The following NLGN1 variants were observed in gnomAD, a reference collection of about 807,000 sequenced individuals.
NLGN1 encodes neuroligin 1, also known as neuroligin-1.
In NLGN1, 12 loss-of-function variants were observed where a neutral mutation model predicts 65.5. That is an observed-to-expected ratio of 0.18 (90% confidence interval 0.12 to 0.30). The LOEUF (loss-of-function observed/expected upper bound fraction) is 0.30, where lower values mean the gene tolerates loss of function less well. NLGN1 is among the 10% of genes least tolerant of loss of function. The pLI, the probability that NLGN1 is intolerant of heterozygous loss-of-function variation, is 1.00. For missense variants in NLGN1, 750 were observed against 1,007.1 expected (o/e 0.74, Z 3.46); for synonymous variants, 350 against 359.5 (o/e 0.97, Z 0.30).
At chr3:174,101,218 G>C (rs1317754653) in intron 4 of NLGN1, among the ~76,000 whole-genome samples, 1 of 152,222 alleles carries the variant, frequency 6.6e-6, no homozygotes, top group South Asian at 2.1e-4. Context: ...TCTGTTAATA[G>C]ATAAATGTAG....
intron 4 of NLGN1, among the ~76,000 whole-genome samples, chr3:174,146,575 T>C (rs1158721340): frequency 6.6e-6 from 1 of 152,108 alleles, no homozygotes; most frequent in Non-Finnish European, 1.5e-5. Context: ...TGAATCTTTT[T>C]TTTTTTTTTT....
intron 3 of NLGN1, among the ~76,000 whole-genome samples, chr3:173,652,676 T>C (rs1475481135): frequency 6.6e-6 from 1 of 152,202 alleles, no homozygotes; most frequent in African/African-American, 2.4e-5. Flanking sequence ...GGTCAGGTAA[T>C]GTGTTGCTTC....
chr3:173,943,045 C>T (rs1032361285), intron 4 of NLGN1, among the ~76,000 whole-genome samples: 1 of 151,786 alleles, frequency 6.6e-6, no homozygotes, highest in Non-Finnish European at 1.5e-5. Flanking sequence ...AGAAACATGG[C>T]AAAACCCCAT....
At chr3:173,826,922 A>G (rs1274454665) in intron 4 of NLGN1, among the ~76,000 whole-genome samples, 3 of 152,114 alleles carry the variant, frequency 2.0e-5, no homozygotes, top group African/African-American at 4.8e-5. Flanking sequence ...GAGGAGGTAT[A>G]TAGGAAACAA....
intron 3 of NLGN1, among the ~76,000 whole-genome samples, chr3:173,788,177 A>G (rs1343675016): frequency 2.0e-5 from 3 of 148,372 alleles, no homozygotes; most frequent in Admixed American, 1.3e-4. Flanking sequence ...TTTTTTTTCT[A>G]ATGCTATAAA....
chr3:174,036,739 TC>T (rs2152482882), intron 4 of NLGN1, among the ~76,000 whole-genome samples: 1 of 152,010 alleles, frequency 6.6e-6, no homozygotes, highest in East Asian at 1.9e-4. Context: ...TTTTTTCAGA[TC>T]CTCTCCCTCT....
intron 4 of NLGN1, among the ~76,000 whole-genome samples, chr3:174,086,649 TGTG>T (rs1743458423): frequency 6.6e-6 from 1 of 151,936 alleles, no homozygotes; most frequent in South Asian, 2.1e-4. Flanking sequence ...TTTGTACATT[TGTG>T]GTGAAATTTA....
chr3:174,077,121 T>C (rs538335147), intron 4 of NLGN1, among the ~76,000 whole-genome samples: 2 of 152,110 alleles, frequency 1.3e-5, no homozygotes, highest in East Asian at 3.9e-4. Flanking sequence ...CATATTTTCC[T>C]ACTAAATCAA....
intron 4 of NLGN1, among the ~76,000 whole-genome samples, chr3:173,919,255 A>G (rs1029327364): frequency 6.6e-6 from 1 of 152,198 alleles, no homozygotes; most frequent in African/African-American, 2.4e-5. Flanking sequence ...TGTATCTGCT[A>G]CAGAGAATAT....
intron 4 of NLGN1, among the ~76,000 whole-genome samples, chr3:174,034,696 A>G (rs985271226): frequency 2.0e-5 from 3 of 152,168 alleles, no homozygotes; most frequent in Admixed American, 1.3e-4. Flanking sequence ...TTGATAAACT[A>G]AAAGAGGAGA....
At chr3:173,793,045 G>C (rs1203432741) in intron 3 of NLGN1, among the ~76,000 whole-genome samples, 1 of 152,092 alleles carries the variant, frequency 6.6e-6, no homozygotes, top group Non-Finnish European at 1.5e-5. Context: ...TGCAATTTTA[G>C]TCTCAGAAGG....
At chr3:174,276,641 G>C (rs1307034974) in intron 5 of NLGN1, among the ~76,000 whole-genome samples, 1 of 151,800 alleles carries the variant, frequency 6.6e-6, no homozygotes, top group South Asian at 2.1e-4. Flanking sequence ...CAAAAGAACA[G>C]CCAGTCATTA....
At chr3:173,693,770 C>G (rs1446012972) in intron 3 of NLGN1, among the ~76,000 whole-genome samples, 1 of 151,952 alleles carries the variant, frequency 6.6e-6, no homozygotes, top group Non-Finnish European at 1.5e-5. Context: ...GGTTAATTTT[C>G]TTTAAAAGGT....
In NLGN1 at chr3:173,547,582, T is replaced by G. The variant is rs145824005; in HGVS notation, c.-320-56697T>G. Among the ~76,000 whole-genome samples the G allele has an allele frequency of 5.5e-3, 840 of 152,304 alleles. 4 individuals carry two copies. Among genetic ancestry groups the G allele is most frequent in the African/African-American group, 0.019 (784 of 41,568 alleles). ...GATCTCCAATGAACCACACTGATGC[T>G]TCTTTGTTGATCTTATATACTTATT... On this transcript the variant is annotated intron_variant, in intron 2 of 6. Transcript: ENST00000457714.
At chr3:173,911,882 A>C (rs1321457443) in intron 4 of NLGN1, among the ~76,000 whole-genome samples, 1 of 152,146 alleles carries the variant, frequency 6.6e-6, no homozygotes, top group Non-Finnish European at 1.5e-5. Flanking sequence ...TTATTCACAG[A>C]TTAAATATGT....
intron 4 of NLGN1, among the ~76,000 whole-genome samples, chr3:174,076,432 G>A (rs913442103): frequency 6.6e-6 from 1 of 152,046 alleles, no homozygotes; most frequent in African/African-American, 2.4e-5. Flanking sequence ...GCCATTTCCT[G>A]AACACTCACA....
At chr3:173,565,522 A>G (rs939847741) in intron 2 of NLGN1, among the ~76,000 whole-genome samples, 1 of 152,200 alleles carries the variant, frequency 6.6e-6, no homozygotes, top group Non-Finnish European at 1.5e-5. Flanking sequence ...TCTACTTCTA[A>G]TAATTATGAT....
At chr3:173,617,731 C>T (rs777798333) in intron 3 of NLGN1, among the ~76,000 whole-genome samples, 1 of 152,178 alleles carries the variant, frequency 6.6e-6, no homozygotes, top group African/African-American at 2.4e-5. Context: ...TTACTGCCAG[C>T]CTTATTGCCT....
chr3:173,744,043 G>A (rs1349099621), intron 3 of NLGN1, among the ~76,000 whole-genome samples: 1 of 152,020 alleles, frequency 6.6e-6, no homozygotes, highest in Non-Finnish European at 1.5e-5. Flanking sequence ...ACAAATTTCT[G>A]TTACATAAAG....
Sources: allele counts gnomAD v4.1 joint callset (sites outside exome capture counted in the v4.1 genomes callset), GRCh38; gene constraint gnomAD v4.1.1; transcripts MANE v1.5; gene names NCBI Gene and HGNC (gene_info 2026-07-23, HGNC 2026-07-21).